The following PHACTR2 variants were observed in gnomAD, a reference collection of about 807,000 sequenced individuals.
PHACTR2 encodes the protein phosphatase and actin regulator 2, also known as chromosome 6 open reading frame 56.
A neutral mutation model predicts 76.0 loss-of-function variants in PHACTR2; 30 were observed. The ratio of observed to expected loss-of-function variants is 0.39; its 90% CI spans 0.30 to 0.54. The LOEUF (loss-of-function observed/expected upper bound fraction) is 0.54. Among genes scored for constraint, PHACTR2 ranks in the 20% least tolerant of loss-of-function variants. PHACTR2 has a pLI of 0.61. For synonymous variants in PHACTR2, 292 were observed against 292.5 expected, an observed-to-expected ratio of 1.00 and a Z score of 0.02; for missense variants, 696 against 781.1, an observed-to-expected ratio of 0.89 and a Z score of 1.30.
rs1228894061 is a variant in PHACTR2, at chr6:143,697,299, A to G, written c.47-14717A>G. ...TTTCTTGTTTCTTTGCCATGGAACA[A>G]AATTGCTTTTCTGGCTTCCCCAATT... On this transcript the variant is annotated intron_variant, in intron 1 of 12. Coordinates refer to ENST00000440869, the MANE Select transcript of PHACTR2 (RefSeq NM_001100164.2). This position sits in a 1 kb window ranked among gnomAD's most constrained non-coding sequence, Gnocchi z 4.4. 6.6e-6 allele frequency among the ~76,000 whole-genome samples: 1 copy of G among 152,216 alleles called. No individual in the cohort carries two copies. Among genetic ancestry groups the G allele is most frequent in the Non-Finnish European group, 1.5e-5 (1 of 68,040 alleles).
At position 143,787,760 on chromosome 6, in the gene PHACTR2, T is replaced by TAA. The variant is rs561041078; in HGVS notation, c.1708-1004_1708-1003dup. Among the ~76,000 whole-genome samples the TAA allele has an allele frequency of 2.7e-5, 4 of 147,672 alleles. No individual in the cohort carries two copies. Among genetic ancestry groups the TAA allele is most frequent in the Admixed American group, 6.8e-5 (1 of 14,794 alleles). On this transcript the variant is annotated intron_variant, in intron 10 of 12. Transcript: ENST00000440869. The surrounding 1 kb of genome is among the most constrained non-coding windows in gnomAD (Gnocchi z 4.6). ...AGACCCCCCACCCACTCTGTTTAAA[T>TAA]AAAAAAAAAATAAGCAATATCTCCG...
rs2128452624 is a variant in PHACTR2 at position 143,679,349 on chromosome 6, C to T, written c.46+1140C>T. ...AAGAGACATCAGAATCAGAATATAC[C>T]TTCTTTACCATTAATGACATGGCTA... On this transcript the variant is annotated intron_variant, in intron 1 of 12. Coordinates refer to ENST00000440869, the MANE Select transcript of PHACTR2 (RefSeq NM_001100164.2). The surrounding 1 kb of genome is among the most constrained non-coding windows in gnomAD (Gnocchi z 4.6). 6.6e-6 allele frequency among the ~76,000 whole-genome samples: 1 copy of T among 152,234 alleles called. No homozygotes were observed. Among genetic ancestry groups the T allele is most frequent in the African/African-American group, 2.4e-5 (1 of 41,538 alleles).
rs1396389116 is a variant in PHACTR2 at position 143,602,720 on chromosome 6, A to C, written c.217+65513A>C. Among the ~76,000 whole-genome samples, 2 of 152,192 alleles carry C rather than the reference A, an allele frequency of 1.3e-5. No individual in the cohort carries two copies. The highest frequency in any genetic ancestry group is 2.9e-5 in the Non-Finnish European group (2 of 68,036). The stretch of plus-strand genomic sequence containing the variant: ...GTGTTGTCCAAGTGTGGATTCACCA[A>C]ACCACCTTGGCCAAAAGTCCAAACT... On this transcript the variant is annotated intron_variant, in intron 1 of 11. Transcript: ENST00000367584. This position sits in a 1 kb window ranked among gnomAD's most constrained non-coding sequence, Gnocchi z 6.1.
intron 11 of PHACTR2, among the ~76,000 whole-genome samples, chr6:143,796,638 C>A (rs1212624608): frequency 6.6e-6 from 1 of 151,984 alleles, no homozygotes; most frequent in Non-Finnish European, 1.5e-5. Context: ...TCAACTCCCA[C>A]TTATGAGTGA....
rs2128488864 is a variant in PHACTR2, at chr6:143,828,105, G to A, written c.*4416G>A. Reference sequence around the variant, plus strand: ...GTGGAGGTTGCAGTGGGCCCAGATCGTGCCACTCCACTCCAGCCTGGGAGA... The same window carrying A: ...GTGGAGGTTGCAGTGGGCCCAGATCATGCCACTCCACTCCAGCCTGGGAGA... On this transcript the variant is annotated 3_prime_UTR_variant, in exon 13 of 13. Coordinates refer to ENST00000440869, the MANE Select transcript of PHACTR2 (RefSeq NM_001100164.2). The surrounding 1 kb of genome is among the most constrained non-coding windows in gnomAD (Gnocchi z 4.7). The A allele has an allele frequency of 6.6e-6, 1 of 152,138 alleles. No homozygotes were observed. Among genetic ancestry groups the A allele is most frequent in the African/African-American group, 2.4e-5 (1 of 41,468 alleles). 9.4% of individuals were successfully genotyped at this position (152,138 alleles called of 1,614,324 possible).
chr6:143,591,384 T>A lies in PHACTR2; in HGVS notation c.217+54177T>A, dbSNP rs537972684. ...GAGAAAGAAAGAGAAACTTCCTGTTTTTTTCTAGGTGTTCCAGGTAGGTGG... is the reference window on the plus strand; with the variant it reads ...GAGAAAGAAAGAGAAACTTCCTGTTATTTTCTAGGTGTTCCAGGTAGGTGG... On this transcript the variant is annotated intron_variant, in intron 1 of 11. Coordinates refer to the PHACTR2 transcript ENST00000367584. The surrounding 1 kb of genome is among the most constrained non-coding windows in gnomAD (Gnocchi z 6.4). 4.6e-5 allele frequency among the ~76,000 whole-genome samples: 7 copies of A among 152,304 alleles called. No homozygotes were observed. The highest frequency in any genetic ancestry group is 1.3e-4 in the Admixed American group (2 of 15,304).
rs2128474079 is a variant in PHACTR2 at position 143,767,631 on chromosome 6, C to T, written c.1232+1833C>T. ...GGGGCTGAGAAGTCCAAGATCAAGGCAGCAGCATTTGGCAAGGATCTTCTT... is the reference window on the plus strand; with the variant it reads ...GGGGCTGAGAAGTCCAAGATCAAGGTAGCAGCATTTGGCAAGGATCTTCTT... On this transcript the variant is annotated intron_variant, in intron 6 of 12. Transcript: ENST00000440869. This position sits in a 1 kb window ranked among gnomAD's most constrained non-coding sequence, Gnocchi z 4.4. Among the ~76,000 whole-genome samples the T allele has an allele frequency of 6.6e-6, 1 of 152,228 alleles. No individual in the cohort carries two copies. Among genetic ancestry groups the T allele is most frequent in the South Asian group, 2.1e-4 (1 of 4,826 alleles).
At position 143,546,976 on chromosome 6, in the gene PHACTR2, G is replaced by T. The variant is rs1342234120; in HGVS notation, c.217+9769G>T. Among the ~76,000 whole-genome samples the T allele has an allele frequency of 6.6e-6, 1 of 152,076 alleles. No homozygotes were observed. Among genetic ancestry groups the T allele is most frequent in the East Asian group, 1.9e-4 (1 of 5,198 alleles). Reference sequence around the variant, plus strand: ...TGCTTGAATCCAGCAGTTCGATGCTGCAGTGAGCTGTGATTGTGGCACTGC... The same window carrying T: ...TGCTTGAATCCAGCAGTTCGATGCTTCAGTGAGCTGTGATTGTGGCACTGC... On this transcript the variant is annotated intron_variant, in intron 1 of 11. Transcript: ENST00000367584. This position sits in a 1 kb window ranked among gnomAD's most constrained non-coding sequence, Gnocchi z 4.9.
rs1776671178 is a variant in PHACTR2, at chr6:143,647,020, G to A, written c.13+38698G>A. 6.6e-6 allele frequency among the ~76,000 whole-genome samples: 1 copy of A among 152,160 alleles called. No individual in the cohort carries two copies. The highest frequency in any genetic ancestry group is 1.5e-5 in the Non-Finnish European group (1 of 68,032). The stretch of plus-strand genomic sequence containing the variant: ...TTTTTAGCAAGGCTCTAAAGATTAA[G>A]TCTTCACCTTGCTGTCAGCAGTTAC... On this transcript the variant is annotated intron_variant, in intron 1 of 11. Coordinates refer to the PHACTR2 transcript ENST00000305766. This position sits in a 1 kb window ranked among gnomAD's most constrained non-coding sequence, Gnocchi z 4.2.
At chr6:143,797,686 G>T (rs530772826) in intron 11 of PHACTR2, among the ~76,000 whole-genome samples, 25 of 152,294 alleles carry the variant, frequency 1.6e-4, no homozygotes, top group Admixed American at 4.6e-4. Flanking sequence ...CCCATCGCTT[G>T]TATGTGTCAG....
At position 143,550,816 on chromosome 6, in the gene PHACTR2, A is replaced by G. The variant is rs941418034; in HGVS notation, c.217+13609A>G. On this transcript the variant is annotated intron_variant, in intron 1 of 11. Transcript: ENST00000367584. The surrounding 1 kb of genome is among the most constrained non-coding windows in gnomAD (Gnocchi z 4.8). ...CACTTTAGGAGGCCTAGGAGGGCAGATCATTTGAGCCCAGGGGTTCGAGAT... is the reference window on the plus strand; with the variant it reads ...CACTTTAGGAGGCCTAGGAGGGCAGGTCATTTGAGCCCAGGGGTTCGAGAT... Among the ~76,000 whole-genome samples the G allele has an allele frequency of 5.9e-5, 9 of 152,086 alleles. No homozygotes were observed. The highest frequency in any genetic ancestry group is 3.9e-4 in the Admixed American group (6 of 15,268).
At chr6:143,692,518 T>A (rs1486111347) in intron 1 of PHACTR2, among the ~76,000 whole-genome samples, 1 of 152,106 alleles carries the variant, frequency 6.6e-6, no homozygotes, top group African/African-American at 2.4e-5. Flanking sequence ...AAAGAAAACA[T>A]GAAAAGAATA....
At chr6:143,690,825 A>G (rs970823684) in intron 1 of PHACTR2, among the ~76,000 whole-genome samples, 1 of 152,216 alleles carries the variant, frequency 6.6e-6, no homozygotes, top group African/African-American at 2.4e-5. Context: ...TACTGTGATA[A>G]TAATGTGCTG....
Position 143,611,035 on chromosome 6 carries a change from A to C in PHACTR2, c.13+2713A>C, listed in dbSNP as rs149418987. Among the ~76,000 whole-genome samples the C allele has an allele frequency of 8.5e-5, 13 of 152,264 alleles. No homozygotes were observed. In the East Asian group the frequency reaches 2.5e-3, roughly 29 times the overall value. ...TGCCACTATCCTCCTTACCTCCATC[A>C]AGTGGTTCTCGTGAATGAACTGTGA... On this transcript the variant is annotated intron_variant, in intron 1 of 11. Coordinates refer to the PHACTR2 transcript ENST00000305766. This position sits in a 1 kb window ranked among gnomAD's most constrained non-coding sequence, Gnocchi z 4.4.
In PHACTR2 at chr6:143,656,758, A is replaced by C. The variant is rs1246345715; in HGVS notation, c.13+48436A>C. On this transcript the variant is annotated intron_variant, in intron 1 of 11. Coordinates refer to the PHACTR2 transcript ENST00000305766. The surrounding 1 kb of genome is among the most constrained non-coding windows in gnomAD (Gnocchi z 5.3). ...AGCAAAGCATTTTAATTAATAACTC[A>C]AACAGAAAAAGCATGTCTGTTAGTT... is the stretch of plus-strand genomic sequence containing the variant. 6.6e-6 allele frequency among the ~76,000 whole-genome samples: 1 copy of C among 152,204 alleles called. No individual in the cohort carries two copies. The highest frequency in any genetic ancestry group is 1.9e-4 in the East Asian group (1 of 5,194).
At chr6:143,748,829 A>T (rs1057096867) in intron 2 of PHACTR2, 156 bp from the exon 3 acceptor site, 4 of 527,028 alleles carry the variant, frequency 7.6e-6, no homozygotes, top group Non-Finnish European at 1.3e-5. Context: ...AGCTGTGTTG[A>T]TTCCACTCAG....
chr6:143,767,016 A>T lies in PHACTR2; in HGVS notation c.1232+1218A>T, dbSNP rs1779577834. ...CAAAACAATCTGTCATGTTAGACTT[A>T]AAAAAAATTATTACATTAATTAGGT... On this transcript the variant is annotated intron_variant, in intron 6 of 12. Coordinates refer to ENST00000440869, the MANE Select transcript of PHACTR2 (RefSeq NM_001100164.2). This position sits in a 1 kb window ranked among gnomAD's most constrained non-coding sequence, Gnocchi z 4.4. Among the ~76,000 whole-genome samples, 1 of 151,120 alleles carries T rather than the reference A, an allele frequency of 6.6e-6. No homozygotes were observed. The highest frequency in any genetic ancestry group is 2.5e-5 in the African/African-American group (1 of 40,452).
intron 1 of PHACTR2, among the ~76,000 whole-genome samples, chr6:143,584,271 G>A (rs116236271): frequency 0.012 from 1,845 of 152,280 alleles, 39 homozygotes; most frequent in African/African-American, 0.039. Flanking sequence ...CTGGAGACTT[G>A]AATATGAACA....
Position 143,554,603 on chromosome 6 carries a change from G to C in PHACTR2, c.217+17396G>C, listed in dbSNP as rs1423518667. On this transcript the variant is annotated intron_variant, in intron 1 of 11. Transcript: ENST00000367584. This position sits in a 1 kb window ranked among gnomAD's most constrained non-coding sequence, Gnocchi z 5.9. ...GCCCTCACCTGAGGAAAGGTGAAGG[G>C]CTAAGGAACTCGATTGAGGGTGGGA... is the stretch of plus-strand genomic sequence containing the variant. The C allele has an allele frequency of 6.6e-6, 1 of 152,132 alleles. No individual in the cohort carries two copies. Among genetic ancestry groups the C allele is most frequent in the African/African-American group, 2.4e-5 (1 of 41,414 alleles). The allele number at this position is 152,132 out of a possible 1,614,324, so 9.4% of individuals were successfully genotyped here.
Sources: gnomAD v4.1 joint callset for allele counts (sites outside exome capture counted in the v4.1 genomes callset) on GRCh38, gnomAD v4.1.1 for gene constraint, Gnocchi (gnomAD v3.1) non-coding constraint, MANE v1.5 for transcripts, NCBI Gene and HGNC (gene_info 2026-07-23, HGNC 2026-07-21) for gene names.